PTPRT: variants seen among roughly 807,000 people sequenced by gnomAD.
The protein encoded by PTPRT is receptor-type tyrosine-protein phosphatase T.
A neutral mutation model predicts 176.8 loss-of-function variants in PTPRT; 56 were observed. The ratio of observed to expected loss-of-function variants is 0.32; its 90% confidence interval spans 0.26 to 0.40. PTPRT has a LOEUF of 0.40. PTPRT is among the 10% of genes least tolerant of loss of function. PTPRT has a pLI of 1.00. For missense variants in PTPRT, 1,540 were observed against 1,908.2 expected, an observed-to-expected ratio of 0.81 and a Z score of 3.60; for synonymous variants, 783 against 739.0, an observed-to-expected ratio of 1.06 and a Z score of -0.96.
At chr20:42,796,600 A>C (rs2145570418) in intron 2 of PTPRT, among the ~76,000 whole-genome samples, 1 of 152,366 alleles carries the variant, frequency 6.6e-6, no homozygotes, top group East Asian at 1.9e-4. Flanking sequence ...CAGCCACAGA[A>C]GTGGTTTCCC....
intron 1 of PTPRT, among the ~76,000 whole-genome samples, chr20:42,928,064 A>G (rs1979601012): frequency 6.6e-6 from 1 of 152,198 alleles, no homozygotes; most frequent in South Asian, 2.1e-4. Context: ...GGGACGGGGT[A>G]AGGAGGCAGG....
chr20:42,673,590 A>G (rs1311828567), intron 7 of PTPRT, among the ~76,000 whole-genome samples: 1 of 152,170 alleles, frequency 6.6e-6, no homozygotes, highest in East Asian at 1.9e-4. Flanking sequence ...TTAAGTGTCT[A>G]GTGAGGGCCC....
In PTPRT at chr20:42,847,232, G is replaced by A. The variant is rs142640072; in HGVS notation, c.214+38575C>T. On this transcript the variant is annotated intron_variant, in intron 2 of 30. Coordinates refer to ENST00000373187, the MANE Select transcript of PTPRT (RefSeq NM_007050.6). ...ATGGAAGGGATTAGGGGAGGAAGTC[G>A]TTAACAGAAGCCAGCAGGAGAGAAC... Among the ~76,000 whole-genome samples the A allele has an allele frequency of 4.1e-3, 627 of 152,278 alleles. 6 individuals carry two copies. Among genetic ancestry groups the A allele is most frequent in the African/African-American group, 0.014 (602 of 41,566 alleles).
chr20:43,066,316 C>T (rs2011111738), intron 1 of PTPRT, among the ~76,000 whole-genome samples: 1 of 152,180 alleles, frequency 6.6e-6, no homozygotes, highest in Non-Finnish European at 1.5e-5. Flanking sequence ...CTGTCACCTA[C>T]GGGAGCACTT....
At chr20:42,552,015 G>T (rs932732337) in intron 7 of PTPRT, among the ~76,000 whole-genome samples, 3 of 152,124 alleles carry the variant, frequency 2.0e-5, no homozygotes, top group Non-Finnish European at 4.4e-5. Context: ...CAACTTTGCT[G>T]TGCATCATTC....
intron 1 of PTPRT, among the ~76,000 whole-genome samples, chr20:43,071,433 A>T (rs549320279): frequency 6.6e-6 from 1 of 152,254 alleles, no homozygotes; most frequent in East Asian, 1.9e-4. Flanking sequence ...AGCCTCAATT[A>T]AACTGCATTT....
At chr20:42,117,794 A>G (rs1987366496) in intron 21 of PTPRT, among the ~76,000 whole-genome samples, 1 of 152,182 alleles carries the variant, frequency 6.6e-6, no homozygotes, top group African/African-American at 2.4e-5. Context: ...GAACAAGAAA[A>G]TACTTTTTAT....
chr20:42,829,467 C>G (rs1447031924), intron 2 of PTPRT, among the ~76,000 whole-genome samples: 1 of 152,180 alleles, frequency 6.6e-6, no homozygotes, highest in Non-Finnish European at 1.5e-5. Context: ...GTGGCTCACA[C>G]CAGCAATCCC....
chr20:42,544,674 T>C (rs1040309549), intron 7 of PTPRT, among the ~76,000 whole-genome samples: 3 of 152,076 alleles, frequency 2.0e-5, no homozygotes, highest in Non-Finnish European at 4.4e-5. Flanking sequence ...GCACAGAGAG[T>C]AGCCTGGCTG....
intron 5 of PTPRT, among the ~76,000 whole-genome samples, chr20:42,757,052 TAA>T (rs554308907): frequency 8.7e-4 from 103 of 118,564 alleles, no homozygotes; most frequent in Middle Eastern, 4.4e-3. Flanking sequence ...CCTGCCTCTT[TAA>T]AAAAAAAAAA....
chr20:43,080,208 A>T (rs1423190378), intron 1 of PTPRT, among the ~76,000 whole-genome samples: 1 of 152,194 alleles, frequency 6.6e-6, no homozygotes, highest in African/African-American at 2.4e-5. Context: ...TGACACTTGG[A>T]GCCATTACAT....
chr20:42,307,589 T>G (rs2057562230), intron 12 of PTPRT, among the ~76,000 whole-genome samples: 2 of 152,124 alleles, frequency 1.3e-5, no homozygotes, highest in South Asian at 2.1e-4. Context: ...CATAAGGACA[T>G]GCGAACAGTC....
chr20:42,290,724 T>C (rs1433660740), intron 12 of PTPRT, among the ~76,000 whole-genome samples: 1 of 152,064 alleles, frequency 6.6e-6, no homozygotes, highest in Non-Finnish European at 1.5e-5. Flanking sequence ...TGTATCTACT[T>C]ATAGCCTCCA....
chr20:42,691,315 C>T (rs946661135), intron 6 of PTPRT, among the ~76,000 whole-genome samples: 30 of 152,190 alleles, frequency 2.0e-4, no homozygotes, highest in African/African-American at 6.8e-4. Context: ...CAGGAAGCTT[C>T]GTCAGTTGCT....
chr20:42,814,749 A>G (rs208219), intron 2 of PTPRT, among the ~76,000 whole-genome samples: 97,243 of 152,056 alleles, frequency 0.64, 31,696 homozygotes, highest in East Asian at 0.77. Context: ...TCTCCTTGCA[A>G]ATAAACTTCA....
intron 1 of PTPRT, among the ~76,000 whole-genome samples, chr20:42,968,158 T>C (rs926923320): frequency 9.2e-5 from 14 of 152,128 alleles, no homozygotes; most frequent in Non-Finnish European, 1.8e-4. Flanking sequence ...TTTTGAGGAC[T>C]TCCTTTAGCT....
At chr20:43,030,101 CT>C (rs1568742407) in intron 1 of PTPRT, among the ~76,000 whole-genome samples, 1 of 152,184 alleles carries the variant, frequency 6.6e-6, no homozygotes, top group Non-Finnish European at 1.5e-5. Context: ...TCCTTTTTCT[CT>C]TTTTTTCTTC....
chr20:42,525,214 G>C (rs1450402445), intron 7 of PTPRT, among the ~76,000 whole-genome samples: 1 of 152,106 alleles, frequency 6.6e-6, no homozygotes, highest in Non-Finnish European at 1.5e-5. Context: ...TCTCCAGCCT[G>C]AATTCAAGTG....
At chr20:42,924,932 G>C (rs532880765) in intron 1 of PTPRT, among the ~76,000 whole-genome samples, 319 of 152,338 alleles carry the variant, frequency 2.1e-3, no homozygotes, top group Non-Finnish European at 3.7e-3. Flanking sequence ...GGTTGGACTT[G>C]AGCATCCATT....
Sources: gnomAD v4.1 joint callset for allele counts (sites outside exome capture counted in the v4.1 genomes callset) on GRCh38, gnomAD v4.1.1 for gene constraint, MANE v1.5 for transcripts, NCBI Gene and HGNC (gene_info 2026-07-23, HGNC 2026-07-21) for gene names.